HEXA: variants seen among roughly 807,000 people sequenced by gnomAD.
HEXA encodes the protein beta-hexosaminidase subunit alpha.
In HEXA, 54 loss-of-function variants were observed where a neutral mutation model predicts 73.3. The ratio of observed to expected loss-of-function variants is 0.74; its 90% CI spans 0.59 to 0.92. The LOEUF is 0.92. Ranked by LOEUF, HEXA falls within the 40% of genes least tolerant of loss-of-function variation. The pLI is 0.00. For missense variants in HEXA, 649 were observed against 653.0 expected (o/e 0.99, Z 0.07); for synonymous variants, 230 against 246.9 (o/e 0.93, Z 0.64).
intron 1 of HEXA, among the ~76,000 whole-genome samples, chr15:72,364,258 C>T (rs778404104): frequency 4.0e-5 from 6 of 151,232 alleles, no homozygotes; most frequent in African/African-American, 1.2e-4. Context: ...GGTGACAGAG[C>T]GAGACTGTCT....
At position 72,374,566 on chromosome 15, in the gene HEXA, A is replaced by T. The variant is rs531538592; in HGVS notation, c.253+1154T>A. Among the ~76,000 whole-genome samples, 77 of 152,252 alleles carry T rather than the reference A, an allele frequency of 5.1e-4. 2 individuals are homozygous for T. The South Asian group carries it at 0.014, about 28-fold the overall frequency. Reference sequence around the variant, plus strand: ...ATATAAAATATTACTACAAGACTTAACCGTAAATGTGGCTCCCACCCCCAT... The same window carrying T: ...ATATAAAATATTACTACAAGACTTATCCGTAAATGTGGCTCCCACCCCCAT... On this transcript the variant is annotated intron_variant, in intron 1 of 13. Coordinates refer to ENST00000268097, the MANE Select transcript of HEXA (RefSeq NM_000520.6).
At chr15:72,372,928 T>C (rs544813470) in intron 1 of HEXA, among the ~76,000 whole-genome samples, 5 of 152,286 alleles carry the variant, frequency 3.3e-5, no homozygotes, top group African/African-American at 1.2e-4. Flanking sequence ...AGCTCAGGAA[T>C]TGGAGACCAG....
chr15:72,362,399 GA>G, intron 1 of HEXA: 2 of 454,824 alleles, frequency 4.4e-6, no homozygotes, highest in South Asian at 3.1e-5. Context: ...TCCTCAACAG[GA>G]GGGACCAATC....
chr15:72,355,452 G>A (rs1418351526), intron 3 of HEXA, 107 bp downstream of exon 3: 2 of 812,904 alleles, frequency 2.5e-6, no homozygotes, highest in African/African-American at 1.7e-5. Flanking sequence ...CTTGAGCCTA[G>A]GAGGCAGAGG....
chr15:72,349,648 G>A (rs1284280670), intron 7 of HEXA, among the ~76,000 whole-genome samples: 1 of 152,220 alleles, frequency 6.6e-6, no homozygotes, highest in Non-Finnish European at 1.5e-5. Flanking sequence ...TCCTGTAGGT[G>A]GGGTCAACCA....
intron 6 of HEXA, 55 bp downstream of exon 6, chr15:72,351,078 C>T (rs971662804): frequency 2.1e-5 from 24 of 1,165,318 alleles, no homozygotes; most frequent in Middle Eastern, 3.8e-4. Context: ...AGCAGGGCCA[C>T]AGCCAGATTC....
intron 1 of HEXA, among the ~76,000 whole-genome samples, chr15:72,365,397 C>A (rs368044858): frequency 8.5e-5 from 13 of 152,218 alleles, no homozygotes; most frequent in Non-Finnish European, 1.0e-4. Context: ...CGGCACCCAG[C>A]CATTCTTTTT....
intron 1 of HEXA, among the ~76,000 whole-genome samples, chr15:72,371,705 T>A (rs919497292): frequency 4.4e-4 from 67 of 151,938 alleles, no homozygotes; most frequent in African/African-American, 1.6e-3. Context: ...AATTACTACA[T>A]ATCTACAACG....
intron 1 of HEXA, chr15:72,370,384 G>T (rs984195553): frequency 4.6e-5 from 17 of 370,912 alleles, no homozygotes; most frequent in Non-Finnish European, 8.1e-5. Flanking sequence ...ACTATACAGG[G>T]ATACTAGAAA....
At chr15:72,367,791 T>G (rs548956791) in intron 1 of HEXA, among the ~76,000 whole-genome samples, 7 of 152,346 alleles carry the variant, frequency 4.6e-5, no homozygotes, top group African/African-American at 1.7e-4. Flanking sequence ...GTAGGCCTTT[T>G]CCACGCGCAG....
chr15:72,356,478 C>T (rs759468428), intron 2 of HEXA, 47 bp downstream of exon 2: 2 of 1,607,488 alleles, frequency 1.2e-6, no homozygotes, highest in Non-Finnish European at 1.7e-6. Context: ...GTTACAGCTT[C>T]AGACAAGTGT....
intron 1 of HEXA, among the ~76,000 whole-genome samples, chr15:72,365,453 G>C (rs2088904619): frequency 6.6e-6 from 1 of 152,074 alleles, no homozygotes; most frequent in African/African-American, 2.4e-5. Context: ...GCAAATATCT[G>C]CCTCATTTTA....
intron 12 of HEXA, 46 bp from the exon 13 acceptor site, chr15:72,345,596 C>A: frequency 6.2e-7 from 1 of 1,609,814 alleles, no homozygotes; most frequent in Non-Finnish European, 8.5e-7. Context: ...GTATTCCCTG[C>A]AAAGGTGCTG....
intron 3 of HEXA, chr15:72,354,563 C>T (rs1296825343): frequency 1.3e-5 from 2 of 152,358 alleles, no homozygotes; most frequent in Non-Finnish European, 2.9e-5. Context: ...TTTGGCTTCT[C>T]CCCACTCTGA....
intron 1 of HEXA, 140 bp from the exon 2 acceptor site, chr15:72,356,757 C>T: frequency 8.0e-7 from 1 of 1,257,046 alleles, no homozygotes; most frequent in Non-Finnish European, 1.1e-6. Context: ...TTGGCATAGG[C>T]AGTGCCTGAT....
intron 1 of HEXA, among the ~76,000 whole-genome samples, chr15:72,368,819 AAAC>A (rs1180204344): frequency 2.0e-5 from 3 of 152,244 alleles, no homozygotes; most frequent in Admixed American, 2.0e-4. Flanking sequence ...GCTCCAGGCA[AAAC>A]AACAAAGCCA....
intron 12 of HEXA, chr15:72,345,827 T>C (rs1245375842): frequency 5.5e-6 from 3 of 543,762 alleles, no homozygotes; most frequent in Admixed American, 6.2e-5. Flanking sequence ...TTAACCACAA[T>C]GACAGTGGCA....
chr15:72,350,344 C>T (rs1039976850), intron 7 of HEXA, 174 bp downstream of exon 7: 4 of 736,362 alleles, frequency 5.4e-6, no homozygotes, highest in South Asian at 4.6e-5. Context: ...TAAGAAGCAG[C>T]CTCCATTGTC....
chr15:72,362,087 G>C (rs1008232353), intron 1 of HEXA, among the ~76,000 whole-genome samples: 1 of 152,164 alleles, frequency 6.6e-6, no homozygotes, highest in African/African-American at 2.4e-5. Context: ...TTCTGCTCCT[G>C]TGCAGGAACT....
Sources: allele counts gnomAD v4.1 joint callset (sites outside exome capture counted in the v4.1 genomes callset), GRCh38; gene constraint gnomAD v4.1.1; transcripts MANE v1.5; gene names NCBI Gene and HGNC (gene_info 2026-07-23, HGNC 2026-07-21).